Variants in NCOR2 observed in about 807,000 individuals in gnomAD.
The protein encoded by NCOR2 is CTG repeat protein 26.
Under a neutral mutation model 262.9 loss-of-function variants are expected in NCOR2, and 81 were observed. The observed-to-expected ratio is 0.31, with a 90% CI of 0.26 to 0.37. The LOEUF (loss-of-function observed/expected upper bound fraction) is 0.37, where lower values mean the gene tolerates loss of function less well. Among genes scored for constraint, NCOR2 ranks in the 10% least tolerant of loss-of-function variants. The pLI, the probability that NCOR2 is intolerant of heterozygous loss-of-function variation, is 1.00. For synonymous variants in NCOR2, 1,659 were observed against 1,559.3 expected, an observed-to-expected ratio of 1.06 and a Z score of -1.51; for missense variants, 3,385 against 3,621.4, an observed-to-expected ratio of 0.93 and a Z score of 1.68.
At chr12:124,529,360 G>A (rs1332648336) in intron 1 of NCOR2, among the ~76,000 whole-genome samples, 4 of 151,576 alleles carry the variant, frequency 2.6e-5, no homozygotes, top group Non-Finnish European at 5.9e-5. Flanking sequence ...TGTAATCCCA[G>A]CTACTTGGGA....
At chr12:124,333,143 G>C (rs762830157) in exon 42 of NCOR2, 3 of 1,608,282 alleles carry the variant, frequency 1.9e-6, no homozygotes, top group Non-Finnish European at 2.5e-6. Context: ...GGCTCCGTCT[G>C]TTCCCCATCC....
At chr12:124,372,361 G>C (rs777699312) in exon 20 of NCOR2, 7 of 1,513,388 alleles carry the variant, frequency 4.6e-6, no homozygotes, top group Non-Finnish European at 6.2e-6. Flanking sequence ...CTCCTCCTTG[G>C]GGACCACAGG....
chr12:124,387,819 C>G (rs1299691412), intron 16 of NCOR2, among the ~76,000 whole-genome samples: 1 of 151,944 alleles, frequency 6.6e-6, no homozygotes, highest in African/African-American at 2.4e-5. Context: ...GCAAACACAC[C>G]GGGCCAGAGG....
intron 20 of NCOR2, among the ~76,000 whole-genome samples, chr12:124,366,360 G>T (rs775199598): frequency 4.6e-5 from 7 of 152,156 alleles, no homozygotes; most frequent in African/African-American, 1.4e-4. Context: ...TGTAGATTCC[G>T]TTTCTGTGAA....
chr12:124,517,355 T>C lies in NCOR2; in HGVS notation c.-118+18210A>G, dbSNP rs1337987893. Among the ~76,000 whole-genome samples the C allele has an allele frequency of 6.6e-6, 1 of 151,832 alleles. No individual in the cohort carries two copies. The highest frequency in any genetic ancestry group is 1.5e-5 in the Non-Finnish European group (1 of 67,964). ...GACCTCAGGACAAATCACTCCCTCA[T>C]CCCCCCGGTTTGCAACTAAAGGCTC... On this transcript the variant is annotated intron_variant, in intron 1 of 46. Transcript: ENST00000404621. This position sits in a 1 kb window ranked among gnomAD's most constrained non-coding sequence, Gnocchi z 7.6.
intron 1 of NCOR2, among the ~76,000 whole-genome samples, 180 bp downstream of exon 2, chr12:124,535,385 C>T (rs902488275): frequency 6.6e-6 from 1 of 152,248 alleles, no homozygotes; most frequent in Non-Finnish European, 1.5e-5. Flanking sequence ...CGCAAACTGC[C>T]CTAAGTTGCT....
chr12:124,528,140 C>T lies in NCOR2; in HGVS notation c.-118+7425G>A, dbSNP rs538256929. Among the ~76,000 whole-genome samples the T allele has an allele frequency of 4.6e-5, 7 of 152,296 alleles. No homozygotes were observed. In the South Asian group the frequency reaches 8.3e-4, roughly 18 times the overall value. Reference sequence around the variant, plus strand: ...CCCTCCAGGGACCCCACCACCACCTCCACCACCAAGGCTCTCTGGAAGCCC... The same window carrying T: ...CCCTCCAGGGACCCCACCACCACCTTCACCACCAAGGCTCTCTGGAAGCCC... On this transcript the variant is annotated intron_variant, in intron 1 of 46. Transcript: ENST00000404621.
At chr12:124,367,395 G>C (rs2135995985) in intron 20 of NCOR2, among the ~76,000 whole-genome samples, 1 of 152,270 alleles carries the variant, frequency 6.6e-6, no homozygotes. Flanking sequence ...TCTCTCATGG[G>C]TAAAGAAGGC....
At chr12:124,387,717 G>A (rs566765349) in intron 16 of NCOR2, among the ~76,000 whole-genome samples, 145 of 152,360 alleles carry the variant, frequency 9.5e-4, no homozygotes, top group African/African-American at 3.2e-3. Context: ...CTTTCCCTCC[G>A]CCCGCGCCAG....
chr12:124,528,501 C>T (rs2050603237), intron 1 of NCOR2, among the ~76,000 whole-genome samples: 1 of 152,086 alleles, frequency 6.6e-6, no homozygotes, highest in African/African-American at 2.4e-5. Flanking sequence ...CAAAATAGCT[C>T]CCCGGAAGGC....
Position 124,469,222 on chromosome 12 carries a change from G to A in NCOR2, c.592-2936C>T, listed in dbSNP as rs573412529. ...AACATGGTTCTGCTCCACTTATGACGCTCGCACAGCCTGCACATTACCACA... is the reference window on the plus strand; with the variant it reads ...AACATGGTTCTGCTCCACTTATGACACTCGCACAGCCTGCACATTACCACA... On this transcript the variant is annotated intron_variant, in intron 4 of 46. Coordinates refer to ENST00000405201, the Ensembl canonical transcript of NCOR2. Among the ~76,000 whole-genome samples, 17 of 152,164 alleles carry A rather than the reference G, an allele frequency of 1.1e-4. No homozygotes were observed. The South Asian group carries it at 3.5e-3, about 32-fold the overall frequency.
chr12:124,513,090 C>A (rs1285835550), intron 1 of NCOR2: 1 of 152,400 alleles, frequency 6.6e-6, no homozygotes, highest in Non-Finnish European at 1.5e-5. Context: ...ATCACCACCT[C>A]CCTGGTTATT....
intron 2 of NCOR2, among the ~76,000 whole-genome samples, chr12:124,485,417 A>G (rs1384215302): frequency 6.6e-6 from 1 of 152,224 alleles, no homozygotes; most frequent in Non-Finnish European, 1.5e-5. Context: ...GCCACAGCTG[A>G]GGAACGCCTG....
chr12:124,328,553 C>T (rs1028263262), intron 44 of NCOR2: 2 of 150,244 alleles, frequency 1.3e-5, no homozygotes, highest in East Asian at 1.9e-4. Flanking sequence ...TTGTGAACCA[C>T]GTGGAGGTGG....
Position 124,416,541 on chromosome 12 carries a change from G to A in NCOR2, c.1482+3416C>T, listed in dbSNP as rs1054425668. 5.4e-5 allele frequency among the ~76,000 whole-genome samples: 8 copies of A among 149,164 alleles called. No homozygotes were observed. In the East Asian group the frequency reaches 6.0e-4, roughly 11 times the overall value. ...GACCGGCGGCACAGGGAGACCCCGC[G>A]GCACAGGGAGACCCGCGGCACAGAT... On this transcript the variant is annotated intron_variant, in intron 13 of 46. Coordinates refer to ENST00000405201, the Ensembl canonical transcript of NCOR2.
At chr12:124,335,136 C>A (rs2035774206) in exon 40 of NCOR2, 1 of 1,612,294 alleles carries the variant, frequency 6.2e-7, no homozygotes, top group Non-Finnish European at 8.5e-7. Context: ...CGTAGTTACA[C>A]TGATGTGCTG....
chr12:124,363,257 G>A (rs1353001368), intron 21 of NCOR2, among the ~76,000 whole-genome samples: 1 of 152,232 alleles, frequency 6.6e-6, no homozygotes, highest in African/African-American at 2.4e-5. Context: ...CCTGGAGAAG[G>A]CACCTCCAAG....
At chr12:124,411,092 G>C (rs1193084665) in intron 13 of NCOR2, among the ~76,000 whole-genome samples, 2 of 151,024 alleles carry the variant, frequency 1.3e-5, no homozygotes, top group East Asian at 1.9e-4. Flanking sequence ...GGGAGAGAGA[G>C]AGAGAGAGCT....
chr12:124,385,483 G>A (rs2040738378), intron 17 of NCOR2, among the ~76,000 whole-genome samples: 1 of 152,212 alleles, frequency 6.6e-6, no homozygotes, highest in Non-Finnish European at 1.5e-5. Flanking sequence ...GTGTCTGTCT[G>A]AGAGGAGTGG....
Sources: gnomAD v4.1 joint callset for allele counts (sites outside exome capture counted in the v4.1 genomes callset) on GRCh38, gnomAD v4.1.1 for gene constraint, Gnocchi (gnomAD v3.1) non-coding constraint, MANE v1.5 for transcripts, NCBI Gene and HGNC (gene_info 2026-07-23, HGNC 2026-07-21) for gene names.